FAH: variants seen among roughly 807,000 people sequenced by gnomAD.
FAH encodes the protein fumarylacetoacetase.
Under a neutral mutation model 55.8 loss-of-function variants are expected in FAH, and 47 were observed. The observed-to-expected ratio is 0.84, with a 90% CI of 0.67 to 1.07. FAH has a LOEUF of 1.07. FAH is among the 50% of genes least tolerant of loss of function. The probability of loss-of-function intolerance (pLI) is 0.00; values close to 1 mark genes in which losing one functional copy is unlikely to be tolerated. For synonymous variants in FAH, 199 were observed against 207.7 expected (o/e 0.96, Z 0.36); for missense variants, 495 against 545.9 (o/e 0.91, Z 0.93).
At chr15:80,176,512 A>G (rs1414014915) in intron 10 of FAH, among the ~76,000 whole-genome samples, 1 of 152,216 alleles carries the variant, frequency 6.6e-6, no homozygotes, top group Admixed American at 6.5e-5. Flanking sequence ...CTGGCTGCCC[A>G]GGGCCCTCTG....
chr15:80,180,076 A>G lies in FAH; in HGVS notation c.961-48A>G, dbSNP rs758045368. On this transcript the variant is annotated intron_variant, in intron 11 of 13. Transcript: ENST00000561421. ...TGTGCCCAGCTGCCTCCGGGATGCT[A>G]GGCTAAGCCTGCCGCTGCTCATTCC... 4 of 1,470,476 alleles carry G rather than the reference A, an allele frequency of 2.7e-6. No homozygotes were observed. In the East Asian group the frequency reaches 6.8e-5, roughly 25 times the overall value. The allele number at this position is 1,470,476 out of a possible 1,614,324, so 91.1% of individuals were successfully genotyped here. A position where few individuals can be genotyped will look rare whatever the true frequency, so the allele number is the denominator to read the frequency against.
intron 1 of FAH, chr15:80,156,821 G>A (rs901416903): frequency 1.3e-5 from 2 of 152,198 alleles, no homozygotes; most frequent in African/African-American, 2.4e-5. Context: ...GGGTCCTCAG[G>A]TCATAGTTTG....
chr15:80,160,331 G>T, intron 3 of FAH, 79 bp from the exon 4 acceptor site: 1 of 1,406,344 alleles, frequency 7.1e-7, no homozygotes. Context: ...TAATCTTGGG[G>T]ATGGTCTGGG....
At chr15:80,153,521 G>A (rs1199096462) in intron 1 of FAH, among the ~76,000 whole-genome samples, 1 of 152,202 alleles carries the variant, frequency 6.6e-6, no homozygotes, top group African/African-American at 2.4e-5. Context: ...GTCAGGGCTG[G>A]TGGTTCATCT....
At chr15:80,184,224 A>G (rs1313441678) in intron 13 of FAH, among the ~76,000 whole-genome samples, 1 of 152,018 alleles carries the variant, frequency 6.6e-6, no homozygotes, top group Non-Finnish European at 1.5e-5. Context: ...TGATTTGTTG[A>G]TAGTTATGAT....
At position 80,158,499 on chromosome 15, in the gene FAH, G is replaced by C. The variant is rs529368690; in HGVS notation, c.192+329G>C. The stretch of plus-strand genomic sequence containing the variant: ...TTCTTGTCAAGCTGTTTGAGCCTCT[G>C]CCTGTCCAAGGGCTGTGTGGGCCCC... On this transcript the variant is annotated intron_variant, in intron 2 of 13. Coordinates refer to ENST00000561421, the MANE Select transcript of FAH (RefSeq NM_000137.4). Among the ~76,000 whole-genome samples the C allele has an allele frequency of 5.9e-5, 9 of 152,316 alleles. No homozygotes were observed. In the South Asian group the frequency reaches 1.9e-3, roughly 32 times the overall value.
intron 13 of FAH, among the ~76,000 whole-genome samples, chr15:80,183,266 A>G (rs989270974): frequency 6.6e-6 from 1 of 152,244 alleles, no homozygotes; most frequent in Non-Finnish European, 1.5e-5. Flanking sequence ...AAGAAGAATT[A>G]TAATTTGCTA....
At chr15:80,177,232 C>T (rs556641748) in intron 10 of FAH, among the ~76,000 whole-genome samples, 13 of 152,206 alleles carry the variant, frequency 8.5e-5, no homozygotes, top group Non-Finnish European at 1.5e-4. Context: ...AGTGGATTTG[C>T]GGGTGCCAGG....
intron 9 of FAH, among the ~76,000 whole-genome samples, chr15:80,174,266 C>G (rs1000613767): frequency 2.6e-5 from 4 of 152,180 alleles, no homozygotes; most frequent in African/African-American, 7.2e-5. Flanking sequence ...TCTTCCGGGT[C>G]GGTCATCACA....
chr15:80,162,275 C>T lies in FAH; in HGVS notation c.394C>T (p.Gln132Ter), dbSNP rs2041155591. The stretch of plus-strand genomic sequence containing the variant: ...CTACACAGACTTCTATTCCTCTCGG[C>T]AGCATGCTACCAACGTCGGAATCAT... ...GDYTDFYSSR[Q>*]HATNVGIMFR... The change falls in exon 5 of 14, where the codon CAG (glutamine) becomes TAG (stop). Residue 132 changes from glutamine (Q) to a stop codon, truncating the protein, a stop_gained. Transcript: ENST00000561421. LOFTEE classifies it high-confidence loss of function. 1 of 1,614,196 alleles carries T rather than the reference C, an allele frequency of 6.2e-7. No homozygotes were observed. Among genetic ancestry groups the T allele is most frequent in the Non-Finnish European group, 8.5e-7 (1 of 1,180,008 alleles).
At chr15:80,173,669 T>G (rs895319214) in intron 9 of FAH, 2 of 240,132 alleles carry the variant, frequency 8.3e-6, no homozygotes, top group African/African-American at 4.5e-5. Context: ...ACTCCATCAC[T>G]GGCAACACCT....
At chr15:80,164,617 A>C (rs2041176660) in intron 5 of FAH, among the ~76,000 whole-genome samples, 1 of 152,214 alleles carries the variant, frequency 6.6e-6, no homozygotes, top group African/African-American at 2.4e-5. Context: ...GCATAGAGAA[A>C]GGCAAAAAAT....
chr15:80,174,937 G>A (rs960272156), intron 9 of FAH, 79 bp from the exon 10 acceptor site: 4 of 1,162,362 alleles, frequency 3.4e-6, no homozygotes, highest in African/African-American at 1.5e-5. Context: ...GCTGCTGGGG[G>A]CCTGGCTGGT....
Position 80,162,310 on chromosome 15 carries a change from CAAGGAG to C in FAH, c.432_437del (p.Lys144_Glu145del). 6.2e-7 allele frequency: 1 copy of C among 1,614,164 alleles called. No individual in the cohort carries two copies. The highest frequency in any genetic ancestry group is 8.5e-7 in the Non-Finnish European group (1 of 1,179,982). Reference sequence around the variant, plus strand: ...CCAACGTCGGAATCATGTTCAGGGACAAGGAGAATGCGTTGATGCCAAATTGGTATG... The same window carrying C: ...CCAACGTCGGAATCATGTTCAGGGACAATGCGTTGATGCCAAATTGGTATG... On this transcript the variant is annotated inframe_deletion, in exon 5 of 14. Transcript: ENST00000561421.
At chr15:80,158,879 G>C (rs972776850) in intron 2 of FAH, among the ~76,000 whole-genome samples, 8 of 152,140 alleles carry the variant, frequency 5.3e-5, no homozygotes, top group Admixed American at 5.2e-4. Context: ...GCTGGGACTG[G>C]AACTCTGACT....
At chr15:80,182,780 T>C (rs2041341725) in intron 13 of FAH, among the ~76,000 whole-genome samples, 1 of 152,186 alleles carries the variant, frequency 6.6e-6, no homozygotes, top group Admixed American at 6.5e-5. Flanking sequence ...CCTGCCAAGT[T>C]TGTTTCTAGT....
In FAH at chr15:80,166,567, A is replaced by G. The variant is rs116443982; in HGVS notation, c.456-1485A>G. Among the ~76,000 whole-genome samples, 395 of 146,280 alleles carry G rather than the reference A, an allele frequency of 2.7e-3. 2 individuals carry two copies. The highest frequency in any genetic ancestry group is 9.5e-3 in the African/African-American group (374 of 39,402). The stretch of plus-strand genomic sequence containing the variant: ...CCCTTTGTTGCAATGCATTGCAAAT[A>G]TTTTCTCCCAGTATGTTATCTTTTT... On this transcript the variant is annotated intron_variant, in intron 5 of 13. Coordinates refer to ENST00000561421, the MANE Select transcript of FAH (RefSeq NM_000137.4).
intron 9 of FAH, among the ~76,000 whole-genome samples, chr15:80,173,977 C>T (rs780000180): frequency 2.6e-5 from 4 of 152,314 alleles, no homozygotes; most frequent in African/African-American, 4.8e-5. Flanking sequence ...CCACACTGCT[C>T]TCCCATGCTC....
intron 1 of FAH, among the ~76,000 whole-genome samples, chr15:80,154,579 T>C (rs191717679): frequency 8.6e-4 from 131 of 152,326 alleles, no homozygotes; most frequent in Non-Finnish European, 1.7e-3. Context: ...CTGCAGGCAT[T>C]GGACATTCCA....
Sources: allele counts gnomAD v4.1 joint callset (sites outside exome capture counted in the v4.1 genomes callset), GRCh38; gene constraint gnomAD v4.1.1; transcripts MANE v1.5; gene names NCBI Gene and HGNC (gene_info 2026-07-23, HGNC 2026-07-21).